The following EPHA6 variants were observed in gnomAD, a reference collection of about 807,000 sequenced individuals.
EPHA6 encodes the protein ephrin type-A receptor 6.
A neutral mutation model predicts 112.0 loss-of-function variants in EPHA6; 50 were observed. That is an observed-to-expected ratio of 0.45 (90% CI 0.36 to 0.56). The LOEUF (loss-of-function observed/expected upper bound fraction) is 0.56. Ranked by LOEUF, EPHA6 falls within the 20% of genes least tolerant of loss-of-function variation. The pLI, the probability that EPHA6 is intolerant of heterozygous loss-of-function variation, is 0.00. For missense variants in EPHA6, 1,280 were observed against 1,417.4 expected, an observed-to-expected ratio of 0.90 and a Z score of 1.56; for synonymous variants, 529 against 490.7, an observed-to-expected ratio of 1.08 and a Z score of -1.03.
At chr3:97,214,919 G>A (rs188839774) in intron 3 of EPHA6, among the ~76,000 whole-genome samples, 5 of 152,256 alleles carry the variant, frequency 3.3e-5, no homozygotes, top group Middle Eastern at 3.4e-3. Flanking sequence ...TTGTACAGCA[G>A]CATCTAGAAA....
intron 14 of EPHA6, among the ~76,000 whole-genome samples, chr3:97,683,872 A>T (rs1455248088): frequency 6.6e-6 from 1 of 152,164 alleles, no homozygotes; most frequent in Non-Finnish European, 1.5e-5. Flanking sequence ...CTGTCCCAGA[A>T]GCACCCCAGC....
At chr3:97,432,127 A>G (rs920659723) in intron 6 of EPHA6, among the ~76,000 whole-genome samples, 3 of 152,082 alleles carry the variant, frequency 2.0e-5, no homozygotes, top group Admixed American at 2.0e-4. Context: ...TTAATTACCT[A>G]AAGTGCCAGA....
intron 3 of EPHA6, among the ~76,000 whole-genome samples, chr3:97,063,684 A>T (rs1379168265): frequency 6.6e-6 from 1 of 152,186 alleles, no homozygotes; most frequent in Non-Finnish European, 1.5e-5. Context: ...CGTTCTGTAC[A>T]TATACTCTGG....
intron 7 of EPHA6, among the ~76,000 whole-genome samples, chr3:97,471,142 C>T (rs1242022642): frequency 6.6e-6 from 1 of 151,684 alleles, no homozygotes; most frequent in Non-Finnish European, 1.5e-5. Context: ...TCATGGTTTG[C>T]TTATTTGTTT....
intron 2 of EPHA6, among the ~76,000 whole-genome samples, chr3:96,969,080 A>C (rs563832832): frequency 6.6e-6 from 1 of 152,028 alleles, no homozygotes; most frequent in Non-Finnish European, 1.5e-5. Context: ...TCAGCAGTTT[A>C]AAACAACTCT....
At chr3:97,646,141 A>G (rs1421093281) in intron 14 of EPHA6, 2 of 1,530,030 alleles carry the variant, frequency 1.3e-6, no homozygotes, top group Admixed American at 2.0e-5. Context: ...CACAACAAAG[A>G]GCAATCAGAA....
chr3:97,239,405 G>A (rs188440369), intron 4 of EPHA6, among the ~76,000 whole-genome samples: 84 of 151,928 alleles, frequency 5.5e-4, no homozygotes, highest in African/African-American at 1.4e-4. Flanking sequence ...CCCACTTGCT[G>A]TTGCAAACCT....
intron 1 of EPHA6, 117 bp from the exon 2 acceptor site, chr3:96,866,708 A>G: frequency 2.1e-6 from 1 of 479,904 alleles, no homozygotes; most frequent in Non-Finnish European, 3.6e-6. Flanking sequence ...AACTTAATTC[A>G]GTGAATAATA....
At chr3:96,861,004 G>A (rs773624807) in intron 1 of EPHA6, among the ~76,000 whole-genome samples, 6 of 151,938 alleles carry the variant, frequency 3.9e-5, no homozygotes, top group Non-Finnish European at 8.8e-5. Flanking sequence ...TTGCTCAGGA[G>A]CCCAGGAGGG....
At chr3:97,646,306 C>T (rs1267316962) in intron 14 of EPHA6, 1 of 1,514,802 alleles carries the variant, frequency 6.6e-7, no homozygotes, top group East Asian at 2.5e-5. Flanking sequence ...GATAACCCTC[C>T]AACAGTGAGT....
intron 1 of EPHA6, among the ~76,000 whole-genome samples, chr3:96,848,900 C>T (rs77279808): frequency 0.023 from 3,522 of 152,126 alleles, 140 homozygotes; most frequent in African/African-American, 0.079. Context: ...ATGAAAACAT[C>T]GAGGTTCAGT....
chr3:96,957,873 C>A (rs1025878111), intron 2 of EPHA6, among the ~76,000 whole-genome samples: 1 of 152,054 alleles, frequency 6.6e-6, no homozygotes, highest in African/African-American at 2.4e-5. Context: ...ATCAGGTGAT[C>A]ATATTGGGTT....
chr3:97,624,283 A>G (rs544277345), intron 13 of EPHA6, among the ~76,000 whole-genome samples: 1 of 151,774 alleles, frequency 6.6e-6, no homozygotes, highest in South Asian at 2.1e-4. Flanking sequence ...TTTCTTCTTC[A>G]CCAATTTAGA....
rs111985124 is a variant in EPHA6 at position 97,361,450 on chromosome 3, G to A, written c.1607-43700G>A. Among the ~76,000 whole-genome samples the A allele has an allele frequency of 2.6e-5, 4 of 152,250 alleles. No individual in the cohort carries two copies. The East Asian group carries it at 5.8e-4, about 22-fold the overall frequency. On this transcript the variant is annotated intron_variant, in intron 5 of 17. Coordinates refer to ENST00000389672, the MANE Select transcript of EPHA6 (RefSeq NM_001080448.3). ...ATATGAATCATACAGTTCGGCTTGC[G>A]TCTTAGTCTGTTTTCTGTTGCTTAT...
intron 11 of EPHA6, among the ~76,000 whole-genome samples, chr3:97,585,129 A>G (rs2093476210): frequency 6.6e-6 from 1 of 152,240 alleles, no homozygotes; most frequent in Non-Finnish European, 1.5e-5. Flanking sequence ...TAGGGAAAAT[A>G]CATGCTTCAT....
intron 14 of EPHA6, among the ~76,000 whole-genome samples, chr3:97,698,677 C>T (rs1205963639): frequency 6.6e-6 from 1 of 152,200 alleles, no homozygotes; most frequent in Non-Finnish European, 1.5e-5. Context: ...CTGGTTTGAA[C>T]TCTGAAGCCT....
At chr3:97,281,220 TGTGTGTGTGC>T (rs1387072439) in intron 5 of EPHA6, among the ~76,000 whole-genome samples, 4 of 142,922 alleles carry the variant, frequency 2.8e-5, no homozygotes, top group African/African-American at 1.2e-4. Context: ...TGTGTGTGTG[TGTGTGTGTGC>T]GCGCGTGTGT....
At chr3:97,307,109 A>C (rs181422742) in intron 5 of EPHA6, among the ~76,000 whole-genome samples, 70 of 151,914 alleles carry the variant, frequency 4.6e-4, no homozygotes, top group Admixed American at 9.9e-4. Context: ...GCATATTCCT[A>C]ACAATGCATT....
chr3:97,520,499 C>T (rs889384724), intron 10 of EPHA6, among the ~76,000 whole-genome samples: 1 of 152,158 alleles, frequency 6.6e-6, no homozygotes, highest in African/African-American at 2.4e-5. Flanking sequence ...TCTTTGGCTG[C>T]TAGTTTTATG....
Sources: allele counts gnomAD v4.1 joint callset (sites outside exome capture counted in the v4.1 genomes callset), GRCh38; gene constraint gnomAD v4.1.1; transcripts MANE v1.5; gene names NCBI Gene and HGNC (gene_info 2026-07-23, HGNC 2026-07-21).